Variants in VPS13D observed in about 807,000 individuals in gnomAD.
VPS13D encodes the protein vacuolar protein sorting 13 homolog D, also known as intermembrane lipid transfer protein VPS13D.
In VPS13D, 187 loss-of-function variants were observed where a neutral mutation model predicts 461.9. The ratio of observed to expected loss-of-function variants is 0.40; its 90% CI spans 0.36 to 0.46. VPS13D has a LOEUF of 0.46. Among genes scored for constraint, VPS13D ranks in the 20% least tolerant of loss-of-function variants. VPS13D has a pLI of 0.60. For synonymous variants in VPS13D, 1,951 were observed against 1,986.3 expected (o/e 0.98, Z 0.47); for missense variants, 4,711 against 5,364.9 (o/e 0.88, Z 3.81).
At chr1:12,342,611 A>G (rs1643594596) in intron 41 of VPS13D, among the ~76,000 whole-genome samples, 1 of 152,244 alleles carries the variant, frequency 6.6e-6, no homozygotes, top group Non-Finnish European at 1.5e-5. Flanking sequence ...CTTAAATGCC[A>G]CTTGAAAAAG....
chr1:12,415,288 T>C, intron 64 of VPS13D, 67 bp downstream of exon 64: 2 of 1,603,938 alleles, frequency 1.2e-6, no homozygotes, highest in Non-Finnish European at 1.7e-6. Context: ...TGTTTGGGAA[T>C]TTTGGTTACT....
chr1:12,259,714 T>C (rs567111904), intron 10 of VPS13D, among the ~76,000 whole-genome samples: 2 of 152,236 alleles, frequency 1.3e-5, no homozygotes, highest in South Asian at 4.1e-4. Context: ...CTTAATGTTA[T>C]GGTGTAAGAA....
At chr1:12,405,283 G>A (rs1056881886) in intron 63 of VPS13D, among the ~76,000 whole-genome samples, 2 of 152,312 alleles carry the variant, frequency 1.3e-5, no homozygotes, top group Non-Finnish European at 1.5e-5. Context: ...TTTTTATGTG[G>A]AATCTCCTGG....
chr1:12,356,266 C>T (rs934702507), intron 48 of VPS13D, 132 bp from the exon 49 acceptor site: 8 of 1,399,260 alleles, frequency 5.7e-6, no homozygotes, highest in Non-Finnish European at 7.6e-6. Flanking sequence ...TCTTTTTAGG[C>T]AAGAAACTGA....
At chr1:12,415,661 A>C (rs1415087677) in intron 64 of VPS13D, among the ~76,000 whole-genome samples, 1 of 151,836 alleles carries the variant, frequency 6.6e-6, no homozygotes, top group Non-Finnish European at 1.5e-5. Context: ...CCAGACTGCA[A>C]AGATCAAAAA....
Position 12,314,142 on chromosome 1 carries a change from C to T in VPS13D, c.6963C>T (p.Leu2321=). The change falls in exon 30 of 70, where the codon CTC becomes CTT. Residue 2321 remains leucine, a synonymous_variant. Coordinates refer to ENST00000620676, the MANE Select transcript of VPS13D (RefSeq NM_015378.4). ...ARFDFKKCKL[L]YESFSNQTKS... is the part of the protein sequence containing the mutation. Reference sequence around the variant, plus strand: ...TTGACTTCAAGAAATGCAAACTGCTCTATGAAAGTTTTTCCAACCAAACCA... The same window carrying T: ...TTGACTTCAAGAAATGCAAACTGCTTTATGAAAGTTTTTCCAACCAAACCA... 1 of 1,614,118 alleles carries T rather than the reference C, an allele frequency of 6.2e-7. No individual in the cohort carries two copies. Among genetic ancestry groups the T allele is most frequent in the Non-Finnish European group, 8.5e-7 (1 of 1,180,010 alleles).
intron 3 of VPS13D, among the ~76,000 whole-genome samples, chr1:12,243,230 C>T (rs1338380267): frequency 2.6e-5 from 4 of 152,054 alleles, no homozygotes; most frequent in Non-Finnish European, 5.9e-5. Context: ...GCTGGGATTA[C>T]GGGCGTGAGC....
chr1:12,343,092 G>A, intron 42 of VPS13D, 41 bp downstream of exon 42: 2 of 1,549,710 alleles, frequency 1.3e-6, no homozygotes, highest in East Asian at 2.3e-5. Flanking sequence ...AAAAGAAAGT[G>A]GATGTAAGTG....
At chr1:12,508,081 G>A (rs945104830) in intron 69 of VPS13D, among the ~76,000 whole-genome samples, 2 of 152,186 alleles carry the variant, frequency 1.3e-5, no homozygotes, top group East Asian at 3.9e-4. Context: ...CTCCCGTGGG[G>A]TCATTGGCTT....
rs765755070 is a variant in VPS13D, at chr1:12,268,714, C to T, written c.1810C>T (p.Pro604Ser). The change falls in exon 16 of 70, where the codon CCA (proline) becomes TCA (serine). Residue 604 changes from proline to serine, a missense_variant. Physicochemically the swap from Pro to Ser is moderately conservative, Grantham distance 74. Transcript: ENST00000620676. ...CCTGTTCTTTCCTTTAGCTGCAGAT[C>T]CAGATGGCCCCGTTTTTGAGATGCT... ...DRSDHYPAAD[P>S]DGPVFEMLYE... 1.9e-6 allele frequency: 3 copies of T among 1,613,048 alleles called. No homozygotes were observed. The highest frequency in any genetic ancestry group is 4.5e-5 in the East Asian group (2 of 44,876).
In VPS13D at chr1:12,335,743, T is replaced by G; in HGVS notation, c.8467T>G (p.Tyr2823Asp). 1 of 1,614,128 alleles carries G rather than the reference T, an allele frequency of 6.2e-7. No individual in the cohort carries two copies. The highest frequency in any genetic ancestry group is 8.5e-7 in the Non-Finnish European group (1 of 1,179,978). The change falls in exon 39 of 70, where the codon TAC becomes GAC. Residue 2823 changes from tyrosine (Y) to aspartate (D), a missense_variant. This residue lies in a region of VPS13D where 4,411 missense variants were observed against 4,937.8 expected (regional missense o/e 0.89). Transcript: ENST00000620676. ...VSTKESWMAD[Y>D]CKDDKDIESA... ...TACCAAGGAATCGTGGATGGCAGAT[T>G]ACTGTAAAGATGACAAGGACATAGA...
At chr1:12,288,983 A>G (rs755221799) in intron 22 of VPS13D, among the ~76,000 whole-genome samples, 24 of 152,280 alleles carry the variant, frequency 1.6e-4, no homozygotes, top group Admixed American at 3.3e-4. Context: ...CTGGAATTAC[A>G]GGTGCATGCC....
chr1:12,312,761 C>T (rs1642790006), intron 29 of VPS13D, among the ~76,000 whole-genome samples: 1 of 152,048 alleles, frequency 6.6e-6, no homozygotes, highest in South Asian at 2.1e-4. Flanking sequence ...TGGTCCCTCC[C>T]GCCCCAAAAA....
At chr1:12,458,342 G>A (rs1645357014) in intron 66 of VPS13D, among the ~76,000 whole-genome samples, 1 of 152,162 alleles carries the variant, frequency 6.6e-6, no homozygotes. Flanking sequence ...GTTCAGTCAT[G>A]TTCTGTCTCT....
chr1:12,388,072 T>C (rs572961249), intron 60 of VPS13D, among the ~76,000 whole-genome samples: 3 of 152,324 alleles, frequency 2.0e-5, no homozygotes, highest in South Asian at 4.1e-4. Context: ...TATATAAGAT[T>C]ATTTTCTTCT....
At chr1:12,286,885 G>C (rs964454697) in intron 21 of VPS13D, among the ~76,000 whole-genome samples, 9 of 152,152 alleles carry the variant, frequency 5.9e-5, no homozygotes, top group Non-Finnish European at 8.8e-5. Flanking sequence ...TTTTGAGACA[G>C]GGTCTTGCCC....
At chr1:12,292,879 T>G (rs1183056097) in intron 23 of VPS13D, among the ~76,000 whole-genome samples, 1 of 152,168 alleles carries the variant, frequency 6.6e-6, no homozygotes, top group African/African-American at 2.4e-5. Flanking sequence ...TTCTATACCT[T>G]GGTGTCATGA....
At chr1:12,407,851 A>G (rs562942676) in intron 63 of VPS13D, among the ~76,000 whole-genome samples, 43 of 152,310 alleles carry the variant, frequency 2.8e-4, no homozygotes, top group Admixed American at 2.7e-3. Flanking sequence ...CTTCTTTAAT[A>G]TTTGGTTGCA....
intron 63 of VPS13D, among the ~76,000 whole-genome samples, chr1:12,404,414 C>G (rs951789156): frequency 6.6e-6 from 1 of 152,116 alleles, no homozygotes; most frequent in Non-Finnish European, 1.5e-5. Context: ...GTATCCACCT[C>G]TTTTTGAATG....
Sources: allele counts gnomAD v4.1 joint callset (sites outside exome capture counted in the v4.1 genomes callset), GRCh38; gene constraint gnomAD v4.1.1; regional missense constraint gnomAD v4.1.1; transcripts MANE v1.5; gene names NCBI Gene and HGNC (gene_info 2026-07-23, HGNC 2026-07-21).